Variants in KIAA0825 observed in about 807,000 individuals in gnomAD.
KIAA0825 encodes KIAA0825, also known as uncharacterized protein KIAA0825.
A neutral mutation model predicts 147.6 loss-of-function variants in KIAA0825; 119 were observed. The ratio of observed to expected loss-of-function variants is 0.81; its 90% CI spans 0.69 to 0.94. The LOEUF is 0.94. Ranked by LOEUF, KIAA0825 falls within the 40% of genes least tolerant of loss-of-function variation. KIAA0825 has a pLI of 0.00. For missense variants in KIAA0825, 1,381 were observed against 1,472.7 expected, an observed-to-expected ratio of 0.94 and a Z score of 1.02; for synonymous variants, 470 against 518.1, an observed-to-expected ratio of 0.91 and a Z score of 1.26.
chr5:94,339,394 G>A (rs1350927192), intron 20 of KIAA0825, among the ~76,000 whole-genome samples: 1 of 152,158 alleles, frequency 6.6e-6, no homozygotes, highest in Non-Finnish European at 1.5e-5. Flanking sequence ...TAAGACTTTA[G>A]TGGCTGATTT....
At chr5:94,294,691 A>T (rs1416741018) in intron 20 of KIAA0825, among the ~76,000 whole-genome samples, 1 of 152,192 alleles carries the variant, frequency 6.6e-6, no homozygotes, top group Non-Finnish European at 1.5e-5. Context: ...GTGCCATTGC[A>T]CTCCAGCCTT....
chr5:94,225,619 C>A (rs368618159), intron 20 of KIAA0825, among the ~76,000 whole-genome samples: 2 of 152,166 alleles, frequency 1.3e-5, no homozygotes, highest in Admixed American at 6.5e-5. Flanking sequence ...CAAAGAGATG[C>A]CAGCCATCTG....
intron 6 of KIAA0825, among the ~76,000 whole-genome samples, chr5:94,477,419 T>C (rs1330436379): frequency 6.6e-6 from 1 of 151,806 alleles, no homozygotes; most frequent in Non-Finnish European, 1.5e-5. Context: ...AGAATCAAGA[T>C]AGATAGAGTC....
intron 20 of KIAA0825, among the ~76,000 whole-genome samples, chr5:94,282,295 ATTTT>A (rs553277797): frequency 3.9e-5 from 6 of 151,910 alleles, no homozygotes; most frequent in Non-Finnish European, 5.9e-5. Flanking sequence ...TTCCAGGTGG[ATTTT>A]TTTTATGAAT....
chr5:94,364,160 C>T (rs759948965), intron 20 of KIAA0825, among the ~76,000 whole-genome samples: 13 of 151,834 alleles, frequency 8.6e-5, no homozygotes, highest in Non-Finnish European at 1.5e-5. Context: ...TGGACATCAA[C>T]GTATATAATG....
At chr5:94,292,945 A>G (rs1403577863) in intron 20 of KIAA0825, among the ~76,000 whole-genome samples, 1 of 151,446 alleles carries the variant, frequency 6.6e-6, no homozygotes, top group Non-Finnish European at 1.5e-5. Context: ...TTGCTGTGGG[A>G]TCAGCGGTGA....
intron 3 of KIAA0825, among the ~76,000 whole-genome samples, chr5:94,525,232 A>C (rs1356192421): frequency 6.6e-6 from 1 of 151,892 alleles, no homozygotes; most frequent in Admixed American, 6.6e-5. Flanking sequence ...GTTCCATATG[A>C]TAGAACCTGG....
chr5:94,544,128 C>G (rs1773877844), intron 2 of KIAA0825, among the ~76,000 whole-genome samples: 2 of 152,292 alleles, frequency 1.3e-5, no homozygotes, highest in East Asian at 1.9e-4. Flanking sequence ...GGATAGGGAC[C>G]TCTTTCCTGT....
rs968287168 is a variant in KIAA0825 at position 94,153,187 on chromosome 5, G to T, written c.*820C>A. On this transcript the variant is annotated 3_prime_UTR_variant, in exon 21 of 21. Coordinates refer to ENST00000682413, the MANE Select transcript of KIAA0825 (RefSeq NM_001145678.3). The stretch of plus-strand genomic sequence containing the variant: ...AGAGCATGTTCTGTTTTCTTATTTT[G>T]TGTGTGTGTATCAATACAATGAAAA... 1.8e-4 allele frequency: 27 copies of T among 151,284 alleles called. No homozygotes were observed. The highest frequency in any genetic ancestry group is 6.3e-4 in the African/African-American group (26 of 41,170). The allele number at this position is 151,284 out of a possible 1,614,324, so 9.4% of individuals were successfully genotyped here.
At chr5:94,180,131 T>C (rs1238388349) in intron 20 of KIAA0825, among the ~76,000 whole-genome samples, 1 of 151,690 alleles carries the variant, frequency 6.6e-6, no homozygotes, top group African/African-American at 2.4e-5. Context: ...AAATACAAGC[T>C]CAACCAAATG....
chr5:94,276,089 A>G (rs1239356777), intron 20 of KIAA0825, among the ~76,000 whole-genome samples: 3 of 152,128 alleles, frequency 2.0e-5, no homozygotes, highest in Non-Finnish European at 4.4e-5. Flanking sequence ...CCTTCACTGC[A>G]TGCTAGGTCT....
At chr5:94,525,115 T>C (rs779426400) in intron 3 of KIAA0825, among the ~76,000 whole-genome samples, 4 of 151,774 alleles carry the variant, frequency 2.6e-5, no homozygotes, top group African/African-American at 4.8e-5. Flanking sequence ...CTGAAACACC[T>C]CACCAAAAAT....
rs369749054 is a variant in KIAA0825 at position 94,249,563 on chromosome 5, C to T, written c.3711-95439G>A. On this transcript the variant is annotated intron_variant, in intron 20 of 20. Transcript: ENST00000682413. ...CACCCAGGTTGCATGCCCATGAAGC[C>T]GGTTTTGCTTCTTTCTGTTTCTCAC... Among the ~76,000 whole-genome samples the T allele has an allele frequency of 3.0e-3, 450 of 152,126 alleles. 3 individuals carry two copies. Among genetic ancestry groups the T allele is most frequent in the African/African-American group, 9.8e-3 (406 of 41,532 alleles).
At chr5:94,505,793 AT>A (rs1024056070) in intron 5 of KIAA0825, among the ~76,000 whole-genome samples, 1 of 152,166 alleles carries the variant, frequency 6.6e-6, no homozygotes, top group South Asian at 2.1e-4. Flanking sequence ...GAAAATTCTA[AT>A]TTTTTTACAA....
chr5:94,189,953 T>C (rs890415038), intron 20 of KIAA0825, among the ~76,000 whole-genome samples: 1 of 152,200 alleles, frequency 6.6e-6, no homozygotes, highest in Non-Finnish European at 1.5e-5. Context: ...TTTTTTGCAA[T>C]GTTTTACTTT....
chr5:94,395,682 C>T (rs1236051904), intron 17 of KIAA0825, among the ~76,000 whole-genome samples: 1 of 152,080 alleles, frequency 6.6e-6, no homozygotes, highest in Non-Finnish European at 1.5e-5. Context: ...CAATCAGGTA[C>T]ACAGAAAGCA....
At chr5:94,426,789 A>C (rs1445648043) in intron 14 of KIAA0825, among the ~76,000 whole-genome samples, 2 of 152,228 alleles carry the variant, frequency 1.3e-5, no homozygotes, top group Non-Finnish European at 2.9e-5. Flanking sequence ...TGATCATTAC[A>C]CATTCTATGC....
intron 20 of KIAA0825, among the ~76,000 whole-genome samples, chr5:94,155,690 A>G (rs1434244701): frequency 6.6e-6 from 1 of 152,160 alleles, no homozygotes; most frequent in African/African-American, 2.4e-5. Flanking sequence ...CCCTCTGCCT[A>G]CGATTCTCCT....
rs1239775278 is a variant in KIAA0825 at position 94,372,397 on chromosome 5, G to A, written c.3710+11971C>T. On this transcript the variant is annotated intron_variant, in intron 20 of 20. Coordinates refer to ENST00000682413, the MANE Select transcript of KIAA0825 (RefSeq NM_001145678.3). ...TTGCCCCTGCATCAAACTTCTGCCT[G>A]ACATCCAGGCATTTCCATACATCCT... 7.9e-5 allele frequency among the ~76,000 whole-genome samples: 12 copies of A among 152,254 alleles called. 1 individual carries two copies. Among genetic ancestry groups the A allele is most frequent in the Admixed American group, 7.8e-4 (12 of 15,294 alleles).
Sources: allele counts gnomAD v4.1 joint callset (sites outside exome capture counted in the v4.1 genomes callset), GRCh38; gene constraint gnomAD v4.1.1; transcripts MANE v1.5; gene names NCBI Gene and HGNC (gene_info 2026-07-23, HGNC 2026-07-21).